Variants in ANKRD28 observed in about 807,000 individuals in gnomAD.
ANKRD28 encodes the protein serine/threonine-protein phosphatase 6 regulatory ankyrin repeat subunit A.
In ANKRD28, 44 loss-of-function variants were observed where a neutral mutation model predicts 126.5. The ratio of observed to expected loss-of-function variants is 0.35; its 90% confidence interval spans 0.27 to 0.45. The LOEUF (loss-of-function observed/expected upper bound fraction) is 0.45. Among genes scored for constraint, ANKRD28 ranks in the 20% least tolerant of loss-of-function variants. The probability of loss-of-function intolerance (pLI) is 1.00; values close to 1 mark genes in which losing one functional copy is unlikely to be tolerated. For missense variants in ANKRD28, 1,110 were observed against 1,316.6 expected, an observed-to-expected ratio of 0.84 and a Z score of 2.43; for synonymous variants, 442 against 468.5, an observed-to-expected ratio of 0.94 and a Z score of 0.73.
chr3:15,744,561 C>T (rs760596483), intron 4 of ANKRD28, among the ~76,000 whole-genome samples: 1 of 151,228 alleles, frequency 6.6e-6, no homozygotes, highest in Non-Finnish European at 1.5e-5. Context: ...AGGTGATCTG[C>T]CCACCTCAGC....
rs1357402514 is a variant in ANKRD28, at chr3:15,749,095, G to GTTTTTTTTTTTTTTTTTT, written c.351+2654_351+2655insAAAAAAAAAAAAAAAAAA. 1.3e-4 allele frequency among the ~76,000 whole-genome samples: 14 copies of GTTTTTTTTTTTTTTTTTT among 106,996 alleles called. 4 individuals are homozygous for GTTTTTTTTTTTTTTTTTT. Among genetic ancestry groups the GTTTTTTTTTTTTTTTTTT allele is most frequent in the East Asian group, 3.3e-4 (1 of 3,032 alleles). The allele number at this position is 106,996 out of a possible 152,430, so 70.2% of individuals were successfully genotyped here. A position where few individuals can be genotyped will look rare whatever the true frequency, so the allele number is the denominator to read the frequency against. On this transcript the variant is annotated intron_variant, in intron 4 of 27. Coordinates refer to ENST00000683139, the MANE Select transcript of ANKRD28 (RefSeq NM_001349278.2). ...ATTTTCCTTTCATATTCTATATTAT[G>GTTTTTTTTTTTTTTTTTT]TTTTTGTTTTTTTTTTTTTTTTTTT...
rs2060853520 is a variant in ANKRD28 at position 15,817,354 on chromosome 3, A to G, written c.28-22048T>C. Among the ~76,000 whole-genome samples the G allele has an allele frequency of 6.6e-6, 1 of 152,176 alleles. No homozygotes were observed. The highest frequency in any genetic ancestry group is 2.4e-5 in the African/African-American group (1 of 41,442). On this transcript the variant is annotated intron_variant, in intron 1 of 27. Coordinates refer to the ANKRD28 transcript ENST00000399451. The surrounding 1 kb of genome is among the most constrained non-coding windows in gnomAD (Gnocchi z 4.5). ...AACATCGGCAATTTCATATGGTCCA[A>G]CCTAATATCAATTGCTCACAACATT...
intron 2 of ANKRD28, among the ~76,000 whole-genome samples, chr3:15,770,804 T>G (rs1378791235): frequency 6.6e-6 from 1 of 152,194 alleles, no homozygotes; most frequent in Non-Finnish European, 1.5e-5. Flanking sequence ...CTCATAAATT[T>G]AATGCTTACT....
intron 1 of ANKRD28, among the ~76,000 whole-genome samples, chr3:15,855,113 T>C (rs2061735787): frequency 1.3e-5 from 2 of 152,184 alleles, no homozygotes; most frequent in South Asian, 2.1e-4. Context: ...CCTGAATATC[T>C]GGGCATCAGT....
intron 1 of ANKRD28, among the ~76,000 whole-genome samples, chr3:15,822,785 T>C (rs904816418): frequency 6.6e-5 from 10 of 151,872 alleles, no homozygotes; most frequent in Non-Finnish European, 8.8e-5. Flanking sequence ...AGGAACTAAA[T>C]AGAAATTCTG....
At chr3:15,711,178 T>G (rs778443729) in intron 12 of ANKRD28, 33 bp downstream of exon 12, 1 of 1,565,102 alleles carries the variant, frequency 6.4e-7, no homozygotes, top group Non-Finnish European at 8.7e-7. Context: ...CCAGCTATCT[T>G]TTCTTAAAGA....
chr3:15,749,095 GTTTTT>G (rs75523695), intron 4 of ANKRD28, among the ~76,000 whole-genome samples: 2 of 106,994 alleles, frequency 1.9e-5, no homozygotes, highest in Non-Finnish European at 1.8e-5. Context: ...TCTATATTAT[GTTTTT>G]GTTTTTTTTT....
chr3:15,814,494 T>C lies in ANKRD28; in HGVS notation c.28-19188A>G, dbSNP rs555538374. Among the ~76,000 whole-genome samples, 1 of 152,258 alleles carries C rather than the reference T, an allele frequency of 6.6e-6. No homozygotes were observed. The highest frequency in any genetic ancestry group is 2.1e-4 in the South Asian group (1 of 4,828). On this transcript the variant is annotated intron_variant, in intron 1 of 27. Transcript: ENST00000399451. This position sits in a 1 kb window ranked among gnomAD's most constrained non-coding sequence, Gnocchi z 4.7. ...CTTCTATCAAGAAAAAAAATACTAA[T>C]CTGGGCAACAAAACATTTTTTAAAG...
At position 15,845,285 on chromosome 3, in the gene ANKRD28, C is replaced by T. The variant is rs967371510; in HGVS notation, c.27+14092G>A. On this transcript the variant is annotated intron_variant, in intron 1 of 27. Transcript: ENST00000399451. The surrounding 1 kb of genome is among the most constrained non-coding windows in gnomAD (Gnocchi z 4.9). Reference sequence around the variant, plus strand: ...TGGATTAACTGTTACATAACATATACACAATCTTCCAGAACATTTCTAAAG... The same window carrying T: ...TGGATTAACTGTTACATAACATATATACAATCTTCCAGAACATTTCTAAAG... Among the ~76,000 whole-genome samples the T allele has an allele frequency of 6.8e-6, 1 of 147,984 alleles. No homozygotes were observed. The highest frequency in any genetic ancestry group is 1.5e-5 in the Non-Finnish European group (1 of 67,394).
chr3:15,672,146 A>T (rs191993169), intron 27 of ANKRD28, among the ~76,000 whole-genome samples: 100 of 136,582 alleles, frequency 7.3e-4, no homozygotes, highest in African/African-American at 2.6e-3. Flanking sequence ...TAAAAAAAGG[A>T]TTTTTTTTTT....
intron 1 of ANKRD28, among the ~76,000 whole-genome samples, chr3:15,851,442 G>A (rs1245147994): frequency 6.6e-6 from 1 of 152,056 alleles, no homozygotes; most frequent in African/African-American, 2.4e-5. Flanking sequence ...TACTTGGGGG[G>A]CTGAGGCAGG....
At chr3:15,798,599 C>T (rs2060379678), upstream of ANKRD28, among the ~76,000 whole-genome samples, 1 of 151,880 alleles carries the variant, frequency 6.6e-6, no homozygotes, top group Non-Finnish European at 1.5e-5. Flanking sequence ...CCTACCTTCC[C>T]ATTTGGATAG....
intron 27 of ANKRD28, among the ~76,000 whole-genome samples, chr3:15,672,146 A>G (rs191993169): frequency 1.5e-5 from 2 of 136,538 alleles, no homozygotes; most frequent in Admixed American, 1.5e-4. Flanking sequence ...TAAAAAAAGG[A>G]TTTTTTTTTT....
At chr3:15,721,188 G>A (rs2073684675) in intron 7 of ANKRD28, 61 bp from the exon 8 acceptor site, 1 of 1,439,000 alleles carries the variant, frequency 6.9e-7, no homozygotes, top group Admixed American at 1.9e-5. Context: ...AATGTTGTGA[G>A]CTATTTTAGC....
At chr3:15,724,920 G>A (rs1490818885) in intron 6 of ANKRD28, among the ~76,000 whole-genome samples, 1 of 152,170 alleles carries the variant, frequency 6.6e-6, no homozygotes, top group African/African-American at 2.4e-5. Context: ...GGTTAAGGCT[G>A]CAGTGAGCTG....
chr3:15,690,007 T>C lies in ANKRD28; in HGVS notation c.1963+12A>G. 6.3e-7 allele frequency: 1 copy of C among 1,591,392 alleles called. No homozygotes were observed. On this transcript the variant is annotated intron_variant, in intron 18 of 27. Coordinates refer to ENST00000683139, the MANE Select transcript of ANKRD28 (RefSeq NM_001349278.2). ...GAAGTTATAAATAAATCAAGCATAA[T>C]ATCTGGCATACCTGCTGCATGAATA...
intron 23 of ANKRD28, among the ~76,000 whole-genome samples, chr3:15,678,764 G>C (rs1414074178): frequency 6.6e-6 from 1 of 152,142 alleles, no homozygotes; most frequent in Non-Finnish European, 1.5e-5. Flanking sequence ...ATTCGAAAGA[G>C]AGGGAAAAAT....
chr3:15,751,649 G>A (rs2125374233), intron 4 of ANKRD28, 101 bp downstream of exon 4: 1 of 797,932 alleles, frequency 1.3e-6, no homozygotes, highest in Admixed American at 2.8e-5. Flanking sequence ...TATCTCAGTA[G>A]CTTTTCCTTC....
At chr3:15,708,323 C>T (rs953966903) in intron 13 of ANKRD28, among the ~76,000 whole-genome samples, 4 of 152,102 alleles carry the variant, frequency 2.6e-5, no homozygotes, top group South Asian at 2.1e-4. Context: ...AATCCCAGTC[C>T]CAGTCCTTTG....
Sources: allele counts gnomAD v4.1 joint callset (sites outside exome capture counted in the v4.1 genomes callset), GRCh38; gene constraint gnomAD v4.1.1; non-coding constraint Gnocchi (gnomAD v3.1); transcripts MANE v1.5; gene names NCBI Gene and HGNC (gene_info 2026-07-23, HGNC 2026-07-21).